Variants in CNKSR2 observed in about 807,000 individuals in gnomAD.
The protein encoded by CNKSR2 is CNK homolog protein 2.
CNKSR2 carries 14 observed loss-of-function variants against 84.4 expected under a neutral mutation model. That is an observed-to-expected ratio of 0.17 (90% CI 0.11 to 0.26). The LOEUF is 0.26. Ranked by LOEUF, CNKSR2 falls within the 10% of genes least tolerant of loss-of-function variation. The pLI, the probability that CNKSR2 is intolerant of heterozygous loss-of-function variation, is 1.00. For synonymous variants in CNKSR2, 275 were observed against 277.9 expected (o/e 0.99, Z 0.10); for missense variants, 485 against 771.2 (o/e 0.63, Z 4.40).
intron 4 of CNKSR2, among the ~76,000 whole-genome samples, chrX:21,448,925 G>A (rs759309045): frequency 1.8e-5 from 2 of 111,579 alleles, no homozygotes; most frequent in South Asian, 3.8e-4. Context: ...AAATGACAGC[G>A]GCAGGTTGAA....
chrX:21,528,306 T>G (rs1389672411), intron 10 of CNKSR2, among the ~76,000 whole-genome samples: 1 of 111,422 alleles, frequency 9.0e-6, no homozygotes, highest in Non-Finnish European at 1.9e-5. Flanking sequence ...AGTGACTTTT[T>G]ATGATTTGTT....
rs765355118 is a variant in CNKSR2, at chrX:21,551,498, A to G, written c.1304-9973A>G. On this transcript the variant is annotated intron_variant, in intron 11 of 21. Transcript: ENST00000379510. Reference sequence around the variant, plus strand: ...GGGGGAAAAAAACCTCTTCAGATGAATTAATCGAAAAGATATGAACTAGAT... The same window carrying G: ...GGGGGAAAAAAACCTCTTCAGATGAGTTAATCGAAAAGATATGAACTAGAT... 4.4e-5 allele frequency among the ~76,000 whole-genome samples: 5 copies of G among 112,663 alleles called. No individual in the cohort carries two copies. The South Asian group carries it at 1.8e-3, about 41-fold the overall frequency.
chrX:21,374,687 T>G lies in CNKSR2; in HGVS notation c.-211T>G. The G allele has an allele frequency of 2.0e-6, 1 of 509,141 alleles. No homozygotes were observed. Among genetic ancestry groups the G allele is most frequent in the Non-Finnish European group, 3.5e-6 (1 of 283,931 alleles). 42.0% of individuals were successfully genotyped at this position (509,141 alleles called of 1,213,427 possible). ...AGCAGACCCGGCGCGGAGCCACGAC[T>G]CCTGCACGTTTACCTCCCTGTCGCC... is the stretch of plus-strand genomic sequence containing the variant. On this transcript the variant is annotated 5_prime_UTR_variant, in exon 1 of 22. Coordinates refer to ENST00000379510, the MANE Select transcript of CNKSR2 (RefSeq NM_014927.5).
chrX:21,450,797 C>T (rs1331805844), intron 4 of CNKSR2, among the ~76,000 whole-genome samples: 3 of 111,520 alleles, frequency 2.7e-5, no homozygotes, highest in African/African-American at 9.8e-5. Flanking sequence ...CTTTCTATTA[C>T]AAAGAAATGT....
intron 1 of CNKSR2, among the ~76,000 whole-genome samples, chrX:21,396,511 C>T (rs1265663827): frequency 9.0e-6 from 1 of 110,672 alleles, no homozygotes; most frequent in African/African-American, 3.3e-5. Context: ...CAAACTTTAA[C>T]ATGTATGGTT....
At chrX:21,463,907 A>G (rs1408362226) in intron 4 of CNKSR2, among the ~76,000 whole-genome samples, 1 of 111,577 alleles carries the variant, frequency 9.0e-6, no homozygotes, top group African/African-American at 3.3e-5. Context: ...GAGCTATGCA[A>G]CCTGGGGTTA....
chrX:21,633,254 T>C (rs774167453), intron 20 of CNKSR2, among the ~76,000 whole-genome samples: 9 of 111,536 alleles, frequency 8.1e-5, no homozygotes, highest in Non-Finnish European at 1.5e-4. Context: ...GCATCTCAAC[T>C]TTCATGGTTG....
chrX:21,630,943 C>T (rs1324808652), intron 20 of CNKSR2, among the ~76,000 whole-genome samples: 1 of 110,948 alleles, frequency 9.0e-6, no homozygotes, highest in East Asian at 2.8e-4. Flanking sequence ...GAAACGAGTC[C>T]ACCACTTGAG....
At chrX:21,544,954 C>A (rs368190677) in intron 11 of CNKSR2, among the ~76,000 whole-genome samples, 11 of 111,509 alleles carry the variant, frequency 9.9e-5, no homozygotes, top group African/African-American at 3.6e-4. Flanking sequence ...AAGCACAAAA[C>A]TGGGCGACTG....
In CNKSR2 at chrX:21,475,864, T is replaced by C. The variant is rs775588669; in HGVS notation, c.561+5057T>C. On this transcript the variant is annotated intron_variant, in intron 5 of 21. Coordinates refer to ENST00000379510, the MANE Select transcript of CNKSR2 (RefSeq NM_014927.5). ...TTTTTTGGATTTGGGAATATTTGCA[T>C]GATATACTTAACAGTTGTCACTAAT... Among the ~76,000 whole-genome samples the C allele has an allele frequency of 3.1e-3, 342 of 111,559 alleles. 1 individual carries two copies. The highest frequency in any genetic ancestry group is 0.01 in the African/African-American group (315 of 30,749).
chrX:21,485,579 GAAAAA>G (rs200785514), intron 5 of CNKSR2, among the ~76,000 whole-genome samples: 1 of 109,952 alleles, frequency 9.1e-6, no homozygotes, highest in South Asian at 3.8e-4. Flanking sequence ...AACTACCTGA[GAAAAA>G]AAACACACAA....
intron 1 of CNKSR2, among the ~76,000 whole-genome samples, chrX:21,396,616 A>G (rs755683033): frequency 9.9e-4 from 111 of 111,609 alleles, no homozygotes; most frequent in Non-Finnish European, 1.6e-3. Flanking sequence ...AGTTTGTAAC[A>G]TTTTCTTTTA....
At chrX:21,519,827 G>A (rs1207823487) in intron 9 of CNKSR2, among the ~76,000 whole-genome samples, 1 of 110,719 alleles carries the variant, frequency 9.0e-6, no homozygotes, top group African/African-American at 3.3e-5. Flanking sequence ...TATGGAGGTA[G>A]GCACTGATAC....
At chrX:21,554,061 A>G (rs753531667) in intron 11 of CNKSR2, among the ~76,000 whole-genome samples, 103 of 111,524 alleles carry the variant, frequency 9.2e-4, no homozygotes, top group Non-Finnish European at 1.7e-3. Flanking sequence ...CAGAGACAAC[A>G]TTTCAACTAT....
At chrX:21,539,140 T>C (rs973207002) in intron 11 of CNKSR2, among the ~76,000 whole-genome samples, 2 of 112,690 alleles carry the variant, frequency 1.8e-5, no homozygotes, top group African/African-American at 6.4e-5. Context: ...ATTCAAATGT[T>C]TGGTCACTTT....
chrX:21,532,202 G>A (rs2091892382), intron 11 of CNKSR2, 135 bp downstream of exon 11: 4 of 380,464 alleles, frequency 1.1e-5, no homozygotes, highest in Non-Finnish European at 1.4e-5. Context: ...TCTCTCTCAT[G>A]TGCTTCTAAG....
chrX:21,490,601 A>C (rs1476490513), intron 6 of CNKSR2, 23 bp downstream of exon 6: 2 of 1,199,231 alleles, frequency 1.7e-6, no homozygotes, highest in Middle Eastern at 4.7e-4. Context: ...ATGTTTATCA[A>C]AACCACCATC....
chrX:21,520,798 A>G (rs1267093752), intron 9 of CNKSR2, among the ~76,000 whole-genome samples: 1 of 109,908 alleles, frequency 9.1e-6, no homozygotes, highest in Non-Finnish European at 1.9e-5. Flanking sequence ...ATAAAATAAC[A>G]TCAAGCTGTA....
At chrX:21,578,488 G>T (rs1204590413) in intron 13 of CNKSR2, among the ~76,000 whole-genome samples, 1 of 108,431 alleles carries the variant, frequency 9.2e-6, no homozygotes, top group African/African-American at 3.4e-5. Flanking sequence ...GCTATAAAAA[G>T]CTAGGCACAT....
Sources: gnomAD v4.1 joint callset for allele counts (sites outside exome capture counted in the v4.1 genomes callset) on GRCh38, gnomAD v4.1.1 for gene constraint, MANE v1.5 for transcripts, NCBI Gene and HGNC (gene_info 2026-07-23, HGNC 2026-07-21) for gene names.